The following MAGI1 variants were observed in gnomAD, a reference collection of about 807,000 sequenced individuals.
MAGI1 encodes the protein membrane associated guanylate kinase, WW and PDZ domain containing 1, also known as membrane-associated guanylate kinase, WW and PDZ domain-containing protein 1.
Under a neutral mutation model 139.9 loss-of-function variants are expected in MAGI1, and 58 were observed. The ratio of observed to expected loss-of-function variants is 0.41; its 90% CI spans 0.34 to 0.52. The LOEUF (loss-of-function observed/expected upper bound fraction) is 0.52, where lower values mean the gene tolerates loss of function less well. MAGI1 is among the 20% of genes least tolerant of loss of function. The pLI, the probability that MAGI1 is intolerant of heterozygous loss-of-function variation, is 0.12. For missense variants in MAGI1, 1,874 were observed against 1,901.6 expected, an observed-to-expected ratio of 0.99 and a Z score of 0.27; for synonymous variants, 812 against 737.9, an observed-to-expected ratio of 1.10 and a Z score of -1.63.
rs943253247 is a variant in MAGI1 at position 65,833,153 on chromosome 3, T to A, written c.313+204843A>T. On this transcript the variant is annotated intron_variant, in intron 1 of 22. Transcript: ENST00000402939. Reference sequence around the variant, plus strand: ...TTTTTTGGGAGACAGAATCTCACTCTGTCACCCAGGCTGGAGTGCACTGAT... The same window carrying A: ...TTTTTTGGGAGACAGAATCTCACTCAGTCACCCAGGCTGGAGTGCACTGAT... 3.3e-5 allele frequency among the ~76,000 whole-genome samples: 5 copies of A among 151,788 alleles called. 1 individual carries two copies. The highest frequency in any genetic ancestry group is 3.3e-4 in the Admixed American group (5 of 15,250).
intron 2 of MAGI1, among the ~76,000 whole-genome samples, chr3:65,586,970 G>T (rs2081713078): frequency 1.3e-5 from 2 of 152,092 alleles, no homozygotes; most frequent in South Asian, 4.2e-4. Context: ...TTTCCCAAAG[G>T]CTTGCTGCTT....
chr3:65,479,519 A>G (rs1017693407), intron 3 of MAGI1, among the ~76,000 whole-genome samples: 5 of 152,092 alleles, frequency 3.3e-5, no homozygotes, highest in Admixed American at 6.6e-5. Flanking sequence ...AGATTTTTAC[A>G]TTTTAATTTT....
chr3:65,903,367 T>A (rs1331845310), intron 1 of MAGI1, among the ~76,000 whole-genome samples: 1 of 151,998 alleles, frequency 6.6e-6, no homozygotes, highest in Non-Finnish European at 1.5e-5. Context: ...TGGATGCCGT[T>A]TCTAACTCAG....
At chr3:65,676,233 G>T (rs1000065366) in intron 1 of MAGI1, among the ~76,000 whole-genome samples, 3 of 152,054 alleles carry the variant, frequency 2.0e-5, no homozygotes, top group African/African-American at 7.2e-5. Context: ...TGAGACTTAC[G>T]CACTCACACA....
intron 1 of MAGI1, among the ~76,000 whole-genome samples, chr3:65,765,418 T>C (rs2037386340): frequency 6.6e-6 from 1 of 152,172 alleles, no homozygotes; most frequent in South Asian, 2.1e-4. Flanking sequence ...CTTATTAAGC[T>C]CCAGAGTCTC....
At chr3:65,939,465 T>C (rs1192870091) in intron 1 of MAGI1, among the ~76,000 whole-genome samples, 2 of 152,210 alleles carry the variant, frequency 1.3e-5, no homozygotes, top group Non-Finnish European at 2.9e-5. Flanking sequence ...GGATCTTAAA[T>C]TACTCATAAA....
intron 6 of MAGI1, 161 bp downstream of exon 6, chr3:65,453,097 T>G (rs1949140524): frequency 4.7e-6 from 3 of 634,912 alleles, no homozygotes; most frequent in Non-Finnish European, 8.4e-6. Flanking sequence ...CAACTCTGAC[T>G]TTCTTCCTGC....
At chr3:65,905,168 T>C (rs1378416864) in intron 1 of MAGI1, among the ~76,000 whole-genome samples, 1 of 152,218 alleles carries the variant, frequency 6.6e-6, no homozygotes, top group Non-Finnish European at 1.5e-5. Flanking sequence ...TGATATGATA[T>C]TCAGCTAGGG....
intron 1 of MAGI1, among the ~76,000 whole-genome samples, chr3:65,820,657 G>GA (rs1226765931): frequency 2.0e-5 from 3 of 152,064 alleles, no homozygotes; most frequent in African/African-American, 7.2e-5. Flanking sequence ...CAGGTCACAA[G>GA]AAAAAGGAAA....
chr3:65,767,233 G>A (rs969046792), intron 1 of MAGI1, among the ~76,000 whole-genome samples: 1 of 151,840 alleles, frequency 6.6e-6, no homozygotes, highest in African/African-American at 2.4e-5. Context: ...TATCCCCCAA[G>A]TTCTATTATA....
chr3:65,424,028 C>T (rs928393821), intron 12 of MAGI1, among the ~76,000 whole-genome samples: 1 of 152,198 alleles, frequency 6.6e-6, no homozygotes, highest in East Asian at 1.9e-4. Context: ...TCCAACCCAT[C>T]ATCACATTGC....
At chr3:65,643,109 C>A (rs1216826391) in intron 1 of MAGI1, among the ~76,000 whole-genome samples, 3 of 152,162 alleles carry the variant, frequency 2.0e-5, no homozygotes, top group Non-Finnish European at 4.4e-5. Context: ...CTTGGTAGCA[C>A]CATGTGACTT....
Position 65,470,462 on chromosome 3 carries a change from C to T in MAGI1, c.780G>A (p.Glu260=). The change falls in exon 5 of 23, where the codon GAG becomes GAA. Residue 260 remains glutamate (E), a synonymous_variant. Transcript: ENST00000402939. The part of the protein sequence containing the change: ...SFTADSGEQE[E]HTLQETALPP... ...GTAATGCTGTTTCTTGGAGAGTGTG[C>T]TCCTCTTGTTCACCAGAATCGGCTG... The T allele has an allele frequency of 6.2e-7, 1 of 1,612,300 alleles. No individual in the cohort carries two copies. The highest frequency in any genetic ancestry group is 8.5e-7 in the Non-Finnish European group (1 of 1,179,478).
At chr3:65,374,852 G>C (rs1363982032) in intron 18 of MAGI1, among the ~76,000 whole-genome samples, 1 of 152,068 alleles carries the variant, frequency 6.6e-6, no homozygotes, top group Non-Finnish European at 1.5e-5. Context: ...AAACAAATAA[G>C]GACAGGCCTA....
chr3:65,948,372 T>C (rs937973469), intron 1 of MAGI1, among the ~76,000 whole-genome samples: 1 of 152,220 alleles, frequency 6.6e-6, no homozygotes, highest in South Asian at 2.1e-4. Flanking sequence ...TTTCTGCCTT[T>C]TCTTTGAGAC....
In MAGI1 at chr3:65,379,619, C is replaced by T. The variant is rs1322371817; in HGVS notation, c.2702-65G>A. The T allele has an allele frequency of 3.9e-6, 6 of 1,547,026 alleles. No homozygotes were observed. The South Asian group carries it at 4.9e-5, about 13-fold the overall frequency. ...CAGCCCCTCCATCCTGCTGCCCCTC[C>T]CTCCTTCCAGCAACTCCTGCTAGAA... On this transcript the variant is annotated intron_variant, in intron 16 of 22. Coordinates refer to ENST00000402939, the MANE Select transcript of MAGI1 (RefSeq NM_001033057.2).
At chr3:65,969,132 G>A (rs1453254115) in intron 1 of MAGI1, among the ~76,000 whole-genome samples, 1 of 152,226 alleles carries the variant, frequency 6.6e-6, no homozygotes, top group Admixed American at 6.5e-5. Context: ...ATTGAGGCTG[G>A]TCTGGAGAAC....
intron 1 of MAGI1, among the ~76,000 whole-genome samples, chr3:65,931,700 T>C (rs1388954449): frequency 2.6e-5 from 4 of 152,118 alleles, no homozygotes; most frequent in African/African-American, 9.7e-5. Flanking sequence ...ATTCTTGTGC[T>C]CTCTTCAACT....
chr3:65,986,224 A>G (rs971311768), intron 1 of MAGI1, among the ~76,000 whole-genome samples: 1 of 152,084 alleles, frequency 6.6e-6, no homozygotes, highest in Admixed American at 6.6e-5. Flanking sequence ...GATAAATGAC[A>G]TTGTTTTTTT....
Sources: allele counts gnomAD v4.1 joint callset (sites outside exome capture counted in the v4.1 genomes callset), GRCh38; gene constraint gnomAD v4.1.1; transcripts MANE v1.5; gene names NCBI Gene and HGNC (gene_info 2026-07-23, HGNC 2026-07-21).